Variants in FBXO34 observed in about 807,000 individuals in gnomAD.
FBXO34 encodes the protein F-box protein 34, also known as F-box only protein 34.
Under a neutral mutation model 24.5 loss-of-function variants are expected in FBXO34, and 12 were observed. The observed-to-expected ratio is 0.49, with a 90% CI of 0.31 to 0.79. The LOEUF (loss-of-function observed/expected upper bound fraction) is 0.79. Among genes scored for constraint, FBXO34 ranks in the 30% least tolerant of loss-of-function variants. The pLI is 0.04. For missense variants in FBXO34, 823 were observed against 857.7 expected (o/e 0.96, Z 0.51); for synonymous variants, 320 against 311.9 (o/e 1.03, Z -0.27).
intron 1 of FBXO34, among the ~76,000 whole-genome samples, chr14:55,280,888 G>A (rs1881516780): frequency 6.6e-6 from 1 of 151,982 alleles, no homozygotes; most frequent in Non-Finnish European, 1.5e-5. Flanking sequence ...GAACCAATCC[G>A]CCATGGATAC....
At chr14:55,379,184 A>G in the FBXO34 span, among the ~76,000 whole-genome samples, 1 of 152,212 alleles carries the variant, frequency 6.6e-6, no homozygotes, top group Non-Finnish European at 1.5e-5. Context: ...TACTTCATAA[A>G]TATGTGTTAC....
chr14:55,278,978 T>A (rs1160924538), intron 1 of FBXO34, among the ~76,000 whole-genome samples: 1 of 150,614 alleles, frequency 6.6e-6, no homozygotes, highest in East Asian at 2.0e-4. Context: ...TGAGCCACCA[T>A]GCCCACCCTG....
chr14:55,405,774 C>T, the FBXO34 span, among the ~76,000 whole-genome samples: 125 of 151,758 alleles, frequency 8.2e-4, no homozygotes, highest in African/African-American at 2.4e-3. Context: ...GAGGTACTGC[C>T]TAATATCATT....
intron 1 of FBXO34, among the ~76,000 whole-genome samples, chr14:55,303,854 T>A (rs1882448165): frequency 6.6e-6 from 1 of 152,036 alleles, no homozygotes. Context: ...GAAATGAGAG[T>A]GTCCAGATGC....
intron 1 of FBXO34, among the ~76,000 whole-genome samples, chr14:55,336,868 G>GCACA (rs3051328): frequency 0.02 from 2,838 of 144,244 alleles, 80 homozygotes; most frequent in African/African-American, 0.057. Context: ...ATACATGCAC[G>GCACA]CACACACACA....
At chr14:55,427,832 T>TACACACACAC in the FBXO34 span, among the ~76,000 whole-genome samples, 3 of 145,108 alleles carry the variant, frequency 2.1e-5, no homozygotes, top group Non-Finnish European at 3.0e-5. Flanking sequence ...TGCAGCTATA[T>TACACACACAC]ACACACACAC....
intron 1 of FBXO34, among the ~76,000 whole-genome samples, chr14:55,338,048 CTTTTTTTTTT>C (rs58194693): frequency 1.1e-5 from 1 of 88,266 alleles, no homozygotes; most frequent in Admixed American, 1.5e-4. Context: ...GTATGTACTT[CTTTTTTTTTT>C]TTTTTTTTTG....
At chr14:55,402,971 A>AG in the FBXO34 span, among the ~76,000 whole-genome samples, 1 of 100,032 alleles carries the variant, frequency 1.0e-5, no homozygotes, top group Non-Finnish European at 2.1e-5. Context: ...ATATATATAA[A>AG]TAGCTGGGCA....
chr14:55,286,109 C>T (rs1015768705), intron 1 of FBXO34, among the ~76,000 whole-genome samples: 8 of 152,058 alleles, frequency 5.3e-5, no homozygotes, highest in African/African-American at 1.9e-4. Context: ...AAATTCCTTC[C>T]AATCAATAAC....
the FBXO34 span, among the ~76,000 whole-genome samples, chr14:55,421,338 G>A: frequency 1.3e-5 from 2 of 152,148 alleles, no homozygotes; most frequent in East Asian, 1.9e-4. Context: ...GACATGTAGA[G>A]GTAAACTTTA....
the FBXO34 span, among the ~76,000 whole-genome samples, chr14:55,379,837 C>T: frequency 2.0e-5 from 3 of 152,216 alleles, no homozygotes; most frequent in Non-Finnish European, 4.4e-5. Context: ...ATTCTTCTGC[C>T]TCAGCCTCCA....
chr14:55,402,026 C>T, the FBXO34 span, among the ~76,000 whole-genome samples: 51 of 152,308 alleles, frequency 3.3e-4, no homozygotes, highest in Non-Finnish European at 5.4e-4. Flanking sequence ...TCATGGGCAA[C>T]TGAGTGGACC....
chr14:55,309,755 A>G (rs1882672861), intron 1 of FBXO34, among the ~76,000 whole-genome samples: 1 of 152,212 alleles, frequency 6.6e-6, no homozygotes, highest in African/African-American at 2.4e-5. Context: ...AGAAATGGTA[A>G]TAATTTCTTC....
Position 55,291,428 on chromosome 14 carries a change from A to G in FBXO34, c.-11+19891A>G, listed in dbSNP as rs1014660303. Among the ~76,000 whole-genome samples, 4 of 152,204 alleles carry G rather than the reference A, an allele frequency of 2.6e-5. 1 individual carries two copies. Among genetic ancestry groups the G allele is most frequent in the Non-Finnish European group, 5.9e-5 (4 of 68,030 alleles). On this transcript the variant is annotated intron_variant, in intron 1 of 1. Transcript: ENST00000313833. ...GCATGTTTTCATTTTATTTAGGCCA[A>G]TTGTAGCAGAAGATTGATGGTTAAA...
chr14:55,326,651 C>T (rs561938257), intron 1 of FBXO34, among the ~76,000 whole-genome samples: 21 of 152,262 alleles, frequency 1.4e-4, no homozygotes, highest in African/African-American at 4.3e-4. Context: ...AGTTTCTTAG[C>T]TTATGAATAG....
chr14:55,361,354 C>T (rs1230925742), intron 3 of FBXO34, among the ~76,000 whole-genome samples: 2 of 152,304 alleles, frequency 1.3e-5, no homozygotes, highest in Non-Finnish European at 2.9e-5. Context: ...CAATTGTGGG[C>T]TTAATCTGTA....
chr14:55,330,177 A>C (rs1475773978), intron 1 of FBXO34, among the ~76,000 whole-genome samples: 2 of 152,200 alleles, frequency 1.3e-5, no homozygotes, highest in Non-Finnish European at 2.9e-5. Context: ...TAAAAATCTG[A>C]CATTTTAACC....
intron 2 of FBXO34, chr14:55,367,059 T>C (rs1160312314): frequency 6.6e-6 from 1 of 152,632 alleles, no homozygotes; most frequent in Non-Finnish European, 1.5e-5. Flanking sequence ...ACAAACAAAA[T>C]ATATCCTATC....
At chr14:55,361,591 A>C (rs1884596056) in intron 3 of FBXO34, 1 of 152,152 alleles carries the variant, frequency 6.6e-6, no homozygotes, top group African/African-American at 2.4e-5. Flanking sequence ...AAGTTGTGAA[A>C]ATCCTAGATG....
Sources: allele counts gnomAD v4.1 joint callset (sites outside exome capture counted in the v4.1 genomes callset), GRCh38; gene constraint gnomAD v4.1.1; transcripts MANE v1.5; gene names NCBI Gene and HGNC (gene_info 2026-07-23, HGNC 2026-07-21).